The following NAA25 variants were observed in gnomAD, a reference collection of about 807,000 sequenced individuals.
The protein encoded by NAA25 is N-terminal acetyltransferase B complex subunit NAA25.
In NAA25, 30 loss-of-function variants were observed where a neutral mutation model predicts 132.5. The observed-to-expected ratio is 0.23, with a 90% CI of 0.17 to 0.31. NAA25 has a LOEUF of 0.31. NAA25 is among the 10% of genes least tolerant of loss of function. The pLI is 1.00. For synonymous variants in NAA25, 359 were observed against 401.9 expected (o/e 0.89, Z 1.28); for missense variants, 771 against 1,150.4 (o/e 0.67, Z 4.77).
chr12:112,040,811 T>C (rs1046751243), intron 20 of NAA25, among the ~76,000 whole-genome samples: 3 of 152,206 alleles, frequency 2.0e-5, no homozygotes, highest in Non-Finnish European at 2.9e-5. Context: ...TTAAAAATTA[T>C]ACATTCTAGT....
chr12:112,061,966 T>C (rs1324279110), intron 11 of NAA25, among the ~76,000 whole-genome samples: 1 of 152,194 alleles, frequency 6.6e-6, no homozygotes, highest in Non-Finnish European at 1.5e-5. Flanking sequence ...ACATCTTGCC[T>C]TAAAATGTTT....
At chr12:112,089,624 C>G (rs1043039860) in intron 3 of NAA25, among the ~76,000 whole-genome samples, 1 of 151,924 alleles carries the variant, frequency 6.6e-6, no homozygotes, top group African/African-American at 2.4e-5. Context: ...ATGTAATAAA[C>G]ATTTAAAGGG....
At chr12:112,038,036 C>T (rs961805153) in intron 22 of NAA25, among the ~76,000 whole-genome samples, 1 of 151,916 alleles carries the variant, frequency 6.6e-6, no homozygotes, top group Non-Finnish European at 1.5e-5. Context: ...TTTCCTGAGA[C>T]GGAGTCTCGC....
At chr12:112,031,631 G>A (rs1406084056) in intron 23 of NAA25, among the ~76,000 whole-genome samples, 2 of 152,044 alleles carry the variant, frequency 1.3e-5, no homozygotes, top group East Asian at 3.9e-4. Context: ...CATCATTCCA[G>A]GATGCAGACA....
chr12:112,057,716 C>A (rs1210857842), intron 13 of NAA25, among the ~76,000 whole-genome samples: 1 of 152,070 alleles, frequency 6.6e-6, no homozygotes, highest in Non-Finnish European at 1.5e-5. Context: ...TTAGGCCGGG[C>A]GCAGTGGCTC....
At chr12:112,095,353 C>T (rs2079196495) in intron 1 of NAA25, among the ~76,000 whole-genome samples, 1 of 151,648 alleles carries the variant, frequency 6.6e-6, no homozygotes, top group Non-Finnish European at 1.5e-5. Flanking sequence ...AGGAGAATGG[C>T]GTGAACCCAG....
intron 5 of NAA25, among the ~76,000 whole-genome samples, chr12:112,079,186 T>C (rs1275530565): frequency 6.6e-5 from 10 of 152,160 alleles, no homozygotes; most frequent in African/African-American, 2.2e-4. Flanking sequence ...TAACAACAAT[T>C]AACACATGAA....
intron 1 of NAA25, among the ~76,000 whole-genome samples, chr12:112,104,451 G>A (rs2079334667): frequency 6.6e-6 from 1 of 152,166 alleles, no homozygotes; most frequent in Non-Finnish European, 1.5e-5. Flanking sequence ...ATGGGGTAGA[G>A]GAGGCTGCAT....
chr12:112,098,855 T>G (rs2079251866), intron 1 of NAA25, among the ~76,000 whole-genome samples: 1 of 152,182 alleles, frequency 6.6e-6, no homozygotes, highest in African/African-American at 2.4e-5. Flanking sequence ...CCTCCAAGGT[T>G]CAACTGGGAT....
At chr12:112,050,833 A>G (rs959381800) in intron 15 of NAA25, among the ~76,000 whole-genome samples, 23 of 152,246 alleles carry the variant, frequency 1.5e-4, no homozygotes, top group Non-Finnish European at 3.2e-4. Context: ...TAACCTTTCT[A>G]GAAAGAAAAT....
chr12:112,062,555 T>C (rs1303207397), intron 11 of NAA25, among the ~76,000 whole-genome samples: 5 of 151,470 alleles, frequency 3.3e-5, no homozygotes, highest in Non-Finnish European at 5.9e-5. Context: ...TGAAACCCTG[T>C]CTCTACTAAA....
intron 18 of NAA25, 125 bp downstream of exon 18, chr12:112,043,500 T>C (rs552867396): frequency 4.5e-6 from 5 of 1,120,262 alleles, no homozygotes; most frequent in Non-Finnish European, 5.1e-6. Flanking sequence ...TTCCTCTTTC[T>C]CCTGCAGAAG....
At position 112,056,337 on chromosome 12, in the gene NAA25, TA is replaced by T. The variant is rs566170473; in HGVS notation, c.1448-1770del. 2.5e-3 allele frequency among the ~76,000 whole-genome samples: 383 copies of T among 150,816 alleles called. 4 individuals are homozygous for T. Among genetic ancestry groups the T allele is most frequent in the African/African-American group, 8.8e-3 (361 of 41,092 alleles). On this transcript the variant is annotated intron_variant, in intron 13 of 23. Transcript: ENST00000261745. Reference sequence around the variant, plus strand: ...ACGGAGTTAAGATTCCATCTCAAAATAAAAATAAAATTTAATAATAAATAAA... The same window carrying T: ...ACGGAGTTAAGATTCCATCTCAAAATAAAATAAAATTTAATAATAAATAAA...
At chr12:112,081,223 G>C (rs1365810033) in intron 4 of NAA25, 89 bp from the exon 5 acceptor site, 2 of 1,052,402 alleles carry the variant, frequency 1.9e-6, no homozygotes, top group South Asian at 1.4e-5. Flanking sequence ...TTTCTTGGGA[G>C]AACAGCAATA....
chr12:112,059,780 C>A (rs1459344965), intron 13 of NAA25, among the ~76,000 whole-genome samples: 1 of 150,556 alleles, frequency 6.6e-6, no homozygotes, highest in Non-Finnish European at 1.5e-5. Flanking sequence ...TTAACATTAT[C>A]CTGGTTACAA....
chr12:112,079,172 T>C (rs1244174159), intron 5 of NAA25, among the ~76,000 whole-genome samples: 1 of 152,176 alleles, frequency 6.6e-6, no homozygotes, highest in African/African-American at 2.4e-5. Flanking sequence ...TTACCTTAAA[T>C]TGGTAACAAC....
intron 4 of NAA25, among the ~76,000 whole-genome samples, chr12:112,085,947 G>T (rs1458412789): frequency 7.1e-6 from 1 of 140,846 alleles, no homozygotes; most frequent in African/African-American, 2.7e-5. Flanking sequence ...AACCCGGGAG[G>T]TGGAGGTTGC....
intron 10 of NAA25, among the ~76,000 whole-genome samples, chr12:112,070,839 C>T (rs1172044671): frequency 1.3e-5 from 2 of 152,164 alleles, no homozygotes; most frequent in Non-Finnish European, 2.9e-5. Flanking sequence ...CTGTACCTCC[C>T]AGGTTCAAGC....
intron 4 of NAA25, among the ~76,000 whole-genome samples, chr12:112,086,073 T>TATATATATATATATATATATATACAC (rs759148501): frequency 1.1e-4 from 6 of 53,984 alleles, no homozygotes; most frequent in Middle Eastern, 0.017. Context: ...TATATATATA[T>TATATATATATATATATATATATACAC]ACACACACAC....
Sources: allele counts gnomAD v4.1 joint callset (sites outside exome capture counted in the v4.1 genomes callset), GRCh38; gene constraint gnomAD v4.1.1; transcripts MANE v1.5; gene names NCBI Gene and HGNC (gene_info 2026-07-23, HGNC 2026-07-21).